ASTN2: variants seen among roughly 807,000 people sequenced by gnomAD.
The protein encoded by ASTN2 is astrotactin 2.
A neutral mutation model predicts 139.8 loss-of-function variants in ASTN2; 54 were observed. The observed-to-expected ratio is 0.39, with a 90% CI of 0.31 to 0.48. The LOEUF is 0.48. Among genes scored for constraint, ASTN2 ranks in the 20% least tolerant of loss-of-function variants. The pLI is 0.95. For missense variants in ASTN2, 1,565 were observed against 1,725.1 expected, an observed-to-expected ratio of 0.91 and a Z score of 1.64; for synonymous variants, 756 against 719.5, an observed-to-expected ratio of 1.05 and a Z score of -0.81.
intron 3 of ASTN2, among the ~76,000 whole-genome samples, chr9:117,199,989 T>C (rs1352492245): frequency 6.6e-6 from 1 of 152,068 alleles, no homozygotes; most frequent in African/African-American, 2.4e-5. Context: ...ATTGACTTTG[T>C]ATCCTGAGAC....
At chr9:116,462,191 G>A (rs763630786) in intron 20 of ASTN2, among the ~76,000 whole-genome samples, 8 of 152,278 alleles carry the variant, frequency 5.3e-5, no homozygotes, top group Non-Finnish European at 1.0e-4. Context: ...GTCCTCATAT[G>A]TAAAACCTTT....
chr9:116,606,439 GAA>G (rs1446021668), intron 19 of ASTN2, among the ~76,000 whole-genome samples: 1 of 152,140 alleles, frequency 6.6e-6, no homozygotes, highest in Admixed American at 6.5e-5. Context: ...GCACATGGGA[GAA>G]AGAGAGAGAG....
At chr9:116,958,961 C>T (rs1188548706) in intron 10 of ASTN2, among the ~76,000 whole-genome samples, 2 of 152,088 alleles carry the variant, frequency 1.3e-5, no homozygotes, top group Admixed American at 6.5e-5. Flanking sequence ...CATGTGGGGC[C>T]TCAATTTGAG....
intron 5 of ASTN2, among the ~76,000 whole-genome samples, chr9:117,071,946 T>C (rs913681117): frequency 2.0e-5 from 3 of 152,008 alleles, no homozygotes; most frequent in Non-Finnish European, 4.4e-5. Flanking sequence ...GTACCTCAGA[T>C]GGAAATGCAG....
chr9:116,847,608 G>A (rs1832479536), intron 11 of ASTN2, among the ~76,000 whole-genome samples: 3 of 152,152 alleles, frequency 2.0e-5, no homozygotes, highest in African/African-American at 7.2e-5. Context: ...GCACTGTTTC[G>A]ATGTGTTTTG....
chr9:117,225,263 G>A (rs949877415), intron 2 of ASTN2, among the ~76,000 whole-genome samples: 7 of 151,784 alleles, frequency 4.6e-5, no homozygotes, highest in African/African-American at 1.5e-4. Flanking sequence ...AAGGTAATTC[G>A]CATGAGCCAT....
chr9:116,513,668 G>A (rs972595731), intron 19 of ASTN2, among the ~76,000 whole-genome samples: 1 of 152,126 alleles, frequency 6.6e-6, no homozygotes, highest in Admixed American at 6.6e-5. Context: ...TTTTCACATA[G>A]TCCCATATTT....
intron 14 of ASTN2, 90 bp downstream of exon 14, chr9:116,733,309 C>T (rs1828837130): frequency 2.0e-6 from 3 of 1,529,306 alleles, no homozygotes; most frequent in Non-Finnish European, 2.7e-6. Flanking sequence ...CAGAGCCCAT[C>T]TTGGATCTGC....
At chr9:117,037,247 C>T (rs374164912) in intron 6 of ASTN2, among the ~76,000 whole-genome samples, 1 of 151,924 alleles carries the variant, frequency 6.6e-6, no homozygotes, top group African/African-American at 2.4e-5. Context: ...TTGGGCACAC[C>T]GAGAAAGGGC....
Position 116,698,749 on chromosome 9 carries a change from C to G in ASTN2, c.2806+27022G>C, listed in dbSNP as rs1415470984. 6.2e-7 allele frequency: 1 copy of G among 1,614,172 alleles called. No individual in the cohort carries two copies. The highest frequency in any genetic ancestry group is 8.5e-7 in the Non-Finnish European group (1 of 1,180,024). On this transcript the variant is annotated intron_variant, in intron 16 of 22. Transcript: ENST00000313400. The surrounding 1 kb of genome is among the most constrained non-coding windows in gnomAD (Gnocchi z 4.4). ...AGCCCGGAGGAAGTGGTTGCCAGCCCTAGGGCCTCACCTGCTAAACAGCGG... is the reference window on the plus strand; with the variant it reads ...AGCCCGGAGGAAGTGGTTGCCAGCCGTAGGGCCTCACCTGCTAAACAGCGG...
chr9:117,075,013 T>A (rs1400959962), intron 5 of ASTN2, among the ~76,000 whole-genome samples: 1 of 152,138 alleles, frequency 6.6e-6, no homozygotes, highest in Admixed American at 6.5e-5. Context: ...ACTGTCAGGC[T>A]AAGAAGTTGA....
At chr9:116,966,327 C>A (rs2132511280) in intron 10 of ASTN2, among the ~76,000 whole-genome samples, 1 of 152,290 alleles carries the variant, frequency 6.6e-6, no homozygotes, top group African/African-American at 2.4e-5. Flanking sequence ...TCCCCTTTAT[C>A]CAGCCTGGGT....
intron 12 of ASTN2, among the ~76,000 whole-genome samples, chr9:116,814,232 G>A (rs1447970677): frequency 6.6e-6 from 1 of 152,146 alleles, no homozygotes; most frequent in Admixed American, 6.5e-5. Flanking sequence ...GGGATCATCA[G>A]GGCTAGAACC....
intron 2 of ASTN2, among the ~76,000 whole-genome samples, chr9:117,288,173 G>A (rs1834496480): frequency 6.6e-6 from 1 of 152,178 alleles, no homozygotes; most frequent in Admixed American, 6.5e-5. Flanking sequence ...TCTGGACTAG[G>A]TTCAGAGTAC....
chr9:117,082,456 A>G (rs1040500551), intron 5 of ASTN2, among the ~76,000 whole-genome samples: 16 of 152,182 alleles, frequency 1.1e-4, no homozygotes, highest in African/African-American at 3.6e-4. Flanking sequence ...TAGTCTCCCT[A>G]CCTTCAGTCT....
intron 12 of ASTN2, among the ~76,000 whole-genome samples, chr9:116,820,212 G>A (rs895684555): frequency 5.3e-5 from 8 of 152,268 alleles, no homozygotes; most frequent in Middle Eastern, 3.4e-3. Flanking sequence ...TTGAAGGCTG[G>A]ACTTAGCCTG....
intron 3 of ASTN2, among the ~76,000 whole-genome samples, chr9:117,164,867 A>G (rs763387905): frequency 6.6e-6 from 1 of 152,106 alleles, no homozygotes; most frequent in Non-Finnish European, 1.5e-5. Context: ...TGCCCTCTCC[A>G]TGTGGGCACT....
intron 13 of ASTN2, among the ~76,000 whole-genome samples, chr9:116,780,873 CTT>C (rs1051747263): frequency 3.5e-4 from 51 of 145,280 alleles, no homozygotes; most frequent in African/African-American, 8.9e-4. Flanking sequence ...GTGTTTTGCT[CTT>C]GTTACCCAGG....
chr9:116,764,718 TC>T (rs1829761216), intron 13 of ASTN2, among the ~76,000 whole-genome samples: 1 of 152,212 alleles, frequency 6.6e-6, no homozygotes, highest in South Asian at 2.1e-4. Context: ...CCTTTCTTAA[TC>T]CCTGCCTTCA....
Sources: gnomAD v4.1 joint callset for allele counts (sites outside exome capture counted in the v4.1 genomes callset) on GRCh38, gnomAD v4.1.1 for gene constraint, Gnocchi (gnomAD v3.1) non-coding constraint, MANE v1.5 for transcripts, NCBI Gene and HGNC (gene_info 2026-07-23, HGNC 2026-07-21) for gene names.